Variants in UBL3 observed in about 807,000 individuals in gnomAD.
The protein encoded by UBL3 is ubiquitin like 3.
A neutral mutation model predicts 18.4 loss-of-function variants in UBL3; 6 were observed. That is an observed-to-expected ratio of 0.33 (90% CI 0.18 to 0.64). The LOEUF is 0.64. UBL3 is among the 30% of genes least tolerant of loss of function. The pLI, the probability that UBL3 is intolerant of heterozygous loss-of-function variation, is 0.76. For missense variants in UBL3, 109 were observed against 142.9 expected (o/e 0.76, Z 1.21); for synonymous variants, 49 against 46.6 (o/e 1.05, Z -0.21).
intron 1 of UBL3, among the ~76,000 whole-genome samples, chr13:29,828,550 C>T (rs538028907): frequency 6.6e-6 from 1 of 152,308 alleles, no homozygotes; most frequent in South Asian, 2.1e-4. Flanking sequence ...GACTTCTCTA[C>T]ACTGGTTATT....
At chr13:29,835,125 AATATATATATATATATATATATAT>A (rs59643985) in intron 1 of UBL3, among the ~76,000 whole-genome samples, 721 of 23,424 alleles carry the variant, frequency 0.031, 53 homozygotes, top group East Asian at 0.042. Flanking sequence ...TATATATATA[AATATATATATATATATATATATAT>A]ATATATATAT....
chr13:29,841,097 T>G (rs982568964), intron 1 of UBL3, among the ~76,000 whole-genome samples: 7 of 152,142 alleles, frequency 4.6e-5, no homozygotes, highest in Non-Finnish European at 8.8e-5. Flanking sequence ...CTAGACACAA[T>G]AAATTGCCAT....
intron 2 of UBL3, among the ~76,000 whole-genome samples, chr13:29,776,253 TTTTC>T (rs1388695950): frequency 8.0e-6 from 1 of 124,870 alleles, no homozygotes; most frequent in East Asian, 2.7e-4. Flanking sequence ...CTTTTTTTTC[TTTTC>T]TTTCTTTTTT....
chr13:29,832,817 C>T (rs539247065), intron 1 of UBL3, among the ~76,000 whole-genome samples: 2 of 152,248 alleles, frequency 1.3e-5, no homozygotes, highest in African/African-American at 4.8e-5. Flanking sequence ...TTTGGATTTC[C>T]CAGCATGTTC....
intron 1 of UBL3, among the ~76,000 whole-genome samples, chr13:29,827,708 T>C (rs1408985569): frequency 6.6e-6 from 1 of 152,244 alleles, no homozygotes. Flanking sequence ...ATGTGTGAAT[T>C]TGATCCTGTC....
At chr13:29,811,276 C>G (rs566137944) in intron 1 of UBL3, among the ~76,000 whole-genome samples, 43 of 152,208 alleles carry the variant, frequency 2.8e-4, no homozygotes, top group African/African-American at 9.9e-4. Context: ...AAACTCTTTA[C>G]TTATTTTAAT....
At chr13:29,817,886 C>T (rs1878325621) in intron 1 of UBL3, among the ~76,000 whole-genome samples, 1 of 152,196 alleles carries the variant, frequency 6.6e-6, no homozygotes, top group Admixed American at 6.5e-5. Context: ...TAGATTTGAT[C>T]CAGAGAATGT....
At chr13:29,835,808 G>C (rs1164948592) in intron 1 of UBL3, among the ~76,000 whole-genome samples, 1 of 119,170 alleles carries the variant, frequency 8.4e-6, no homozygotes, top group East Asian at 2.4e-4. Context: ...CCAAGGCAAA[G>C]ACTCAGCCTT....
chr13:29,835,418 G>A (rs1351146121), intron 1 of UBL3, among the ~76,000 whole-genome samples: 6 of 151,336 alleles, frequency 4.0e-5, no homozygotes, highest in Admixed American at 3.3e-4. Context: ...ACTCTGTGAT[G>A]CAGAGAGGGT....
chr13:29,770,030 C>T (rs939514555), intron 3 of UBL3, among the ~76,000 whole-genome samples: 2 of 152,038 alleles, frequency 1.3e-5, no homozygotes, highest in African/African-American at 4.8e-5. Context: ...CATATTCTTT[C>T]CTATATTGAA....
Position 29,839,918 on chromosome 13 carries a change from C to A in UBL3, c.27+9594G>T, listed in dbSNP as rs1325378301. 2.8e-5 allele frequency among the ~76,000 whole-genome samples: 4 copies of A among 142,740 alleles called. No individual in the cohort carries two copies. The East Asian group carries it at 8.1e-4, about 29-fold the overall frequency. The allele number at this position is 142,740 out of a possible 152,430, so 93.6% of individuals were successfully genotyped here. ...TTCTAGCCTGGGCGACAGAGTGAGA[C>A]TCCGTCTCGGGGGAAAAAAAAAAAA... On this transcript the variant is annotated intron_variant, in intron 1 of 4. Coordinates refer to ENST00000380680, the MANE Select transcript of UBL3 (RefSeq NM_007106.4).
At chr13:29,799,241 A>T in intron 1 of UBL3, among the ~76,000 whole-genome samples, 1 of 152,060 alleles carries the variant, frequency 6.6e-6, no homozygotes, top group East Asian at 1.9e-4. Flanking sequence ...TTGTGGCAAT[A>T]AAAAAAAGTA....
intron 1 of UBL3, among the ~76,000 whole-genome samples, chr13:29,838,996 G>C (rs1487403806): frequency 6.6e-6 from 1 of 152,094 alleles, no homozygotes; most frequent in African/African-American, 2.4e-5. Flanking sequence ...TTACTAGACA[G>C]GAAGACAGAA....
intron 1 of UBL3, among the ~76,000 whole-genome samples, chr13:29,835,156 AT>A (rs1878922968): frequency 2.5e-4 from 14 of 54,918 alleles, no homozygotes; most frequent in African/African-American, 1.5e-3. Flanking sequence ...ATATATATAT[AT>A]ATATATATAT....
At chr13:29,795,416 G>A (rs1415327428) in intron 1 of UBL3, among the ~76,000 whole-genome samples, 3 of 151,506 alleles carry the variant, frequency 2.0e-5, no homozygotes, top group African/African-American at 7.3e-5. Flanking sequence ...ATTAATAACT[G>A]CTAATACATA....
chr13:29,776,119 T>C (rs1455808038), intron 2 of UBL3, among the ~76,000 whole-genome samples: 1 of 152,122 alleles, frequency 6.6e-6, no homozygotes, highest in Non-Finnish European at 1.5e-5. Context: ...ATAGGCTATC[T>C]AGAGAAGACC....
intron 1 of UBL3, among the ~76,000 whole-genome samples, chr13:29,793,800 T>C (rs1290154711): frequency 6.6e-6 from 1 of 152,168 alleles, no homozygotes; most frequent in Admixed American, 6.5e-5. Context: ...CAAGAACCAA[T>C]GTGTGTTACT....
At chr13:29,807,735 T>C (rs1270945851) in intron 1 of UBL3, among the ~76,000 whole-genome samples, 1 of 151,436 alleles carries the variant, frequency 6.6e-6, no homozygotes, top group African/African-American at 2.4e-5. Flanking sequence ...TCTGAAAAAA[T>C]AAAAAAAGGA....
intron 1 of UBL3, among the ~76,000 whole-genome samples, chr13:29,793,626 A>G (rs571459658): frequency 8.3e-4 from 126 of 152,198 alleles, no homozygotes; most frequent in African/African-American, 2.9e-3. Context: ...TATAGCCTAT[A>G]CTCACTTCTA....
Sources: gnomAD v4.1 joint callset for allele counts (sites outside exome capture counted in the v4.1 genomes callset) on GRCh38, gnomAD v4.1.1 for gene constraint, MANE v1.5 for transcripts, NCBI Gene and HGNC (gene_info 2026-07-23, HGNC 2026-07-21) for gene names.